PIGZ: variants seen among roughly 807,000 people sequenced by gnomAD.
PIGZ encodes phosphatidylinositol glycan anchor biosynthesis class Z (Gwada blood group).
PIGZ carries 16 observed loss-of-function variants against 16.4 expected under a neutral mutation model. That is an observed-to-expected ratio of 0.97 (90% CI 0.66 to 1.48). The LOEUF (loss-of-function observed/expected upper bound fraction) is 1.48, where lower values mean the gene tolerates loss of function less well. Ranked by LOEUF, PIGZ falls within the 40% of genes most tolerant of loss-of-function variation. The probability of loss-of-function intolerance (pLI) is 0.00; values close to 1 mark genes in which losing one functional copy is unlikely to be tolerated. For missense variants in PIGZ, 770 were observed against 739.2 expected (o/e 1.04, Z -0.48); for synonymous variants, 409 against 338.4 (o/e 1.21, Z -2.29).
Position 196,947,513 on chromosome 3 carries a change from AGAGGAGTGTGTAGTG to A in PIGZ, c.1369_1383del (p.His457_Leu461del). The A allele has an allele frequency of 6.2e-7, 1 of 1,613,690 alleles. No individual in the cohort carries two copies. The highest frequency in any genetic ancestry group is 8.5e-7 in the Non-Finnish European group (1 of 1,179,996). ...CGGGGGGGCATGTAGGTGTGAGTGA[AGAGGAGTGTGTAGTG>A]GGTGGGTGTGCTTGGGAGCACAGGG... On this transcript the variant is annotated inframe_deletion, in exon 3 of 3. Transcript: ENST00000412723.
In PIGZ at chr3:196,968,782, G is replaced by T. The variant is rs1306029493; in HGVS notation, c.-96C>A. The T allele has an allele frequency of 6.6e-6, 1 of 151,460 alleles. No individual in the cohort carries two copies. Among genetic ancestry groups the T allele is most frequent in the Non-Finnish European group, 1.5e-5 (1 of 67,840 alleles). 9.4% of individuals were successfully genotyped at this position (151,460 alleles called of 1,614,324 possible). A position where few individuals can be genotyped will look rare whatever the true frequency, so the allele number is the denominator to read the frequency against. On this transcript the variant is annotated 5_prime_UTR_variant, in exon 1 of 3. Transcript: ENST00000412723. ...GCCCCGGAGGCGGCGGGACCGCAGG[G>T]CGGAGGGGAGGCCGTGGGAGCGGCC...
At chr3:196,953,847 G>T (rs114569934) in intron 1 of PIGZ, among the ~76,000 whole-genome samples, 1 of 148,504 alleles carries the variant, frequency 6.7e-6, no homozygotes, top group African/African-American at 2.6e-5. Context: ...CGAAAAAATA[G>T]CTGGACACAG....
rs11328333 is a variant in PIGZ, at chr3:196,958,227, ATT to A, written c.1-6198_1-6197del. ...ACTTGTGTCCTGTTTAACAACCTTTATTTTTTTTTTCTATTCATAAACATAAT... is the reference window on the plus strand; with the variant it reads ...ACTTGTGTCCTGTTTAACAACCTTTATTTTTTTTCTATTCATAAACATAAT... On this transcript the variant is annotated intron_variant, in intron 1 of 2. Coordinates refer to ENST00000412723, the MANE Select transcript of PIGZ (RefSeq NM_025163.4). Among the ~76,000 whole-genome samples, 20 of 151,584 alleles carry A rather than the reference ATT, an allele frequency of 1.3e-4. No homozygotes were observed. In the East Asian group the frequency reaches 1.5e-3, roughly 12 times the overall value.
In PIGZ at chr3:196,947,652, A is replaced by G. The variant is rs1261351293; in HGVS notation, c.1245T>C (p.Thr415=). ...PQTQPVPWKG[T]VVLFNALGAL... The stretch of plus-strand genomic sequence containing the variant: ...CACCGAGGGCGTTGAAGAGGACCAC[A>G]GTGCCCTTCCAAGGCACAGGCTGCG... The change falls in exon 3 of 3, where the codon ACT becomes ACC. Residue 415 remains threonine (T), a synonymous_variant. Transcript: ENST00000412723. The G allele has an allele frequency of 6.2e-7, 1 of 1,611,682 alleles. No individual in the cohort carries two copies. The highest frequency in any genetic ancestry group is 1.1e-5 in the South Asian group (1 of 90,794).
intron 2 of PIGZ, 101 bp from the exon 3 acceptor site, chr3:196,948,786 C>G (rs889768364): frequency 2.4e-6 from 2 of 834,564 alleles, no homozygotes; most frequent in African/African-American, 3.4e-5. Context: ...GTGTGTGTGC[C>G]CTGCGTAATC....
chr3:196,950,755 C>CTT (rs1352529904), intron 2 of PIGZ, among the ~76,000 whole-genome samples: 2 of 147,734 alleles, frequency 1.4e-5, no homozygotes, highest in Admixed American at 6.8e-5. Flanking sequence ...TTTTTTTTTT[C>CTT]TTTTTTTGAG....
chr3:196,959,396 T>A (rs892779355), intron 1 of PIGZ, among the ~76,000 whole-genome samples: 2 of 152,222 alleles, frequency 1.3e-5, no homozygotes, highest in African/African-American at 4.8e-5. Flanking sequence ...CAATGTTTGC[T>A]TTAAAATTTG....
Position 196,954,604 on chromosome 3 carries a change from T to C in PIGZ, c.1-2573A>G, listed in dbSNP as rs116126306. Among the ~76,000 whole-genome samples, 781 of 152,346 alleles carry C rather than the reference T, an allele frequency of 5.1e-3. 7 individuals are homozygous for C. The highest frequency in any genetic ancestry group is 0.017 in the African/African-American group (720 of 41,576). On this transcript the variant is annotated intron_variant, in intron 1 of 2. Transcript: ENST00000412723. ...TTATTTCATTGTTTTATTTCAGATTTTTTGCTATGAGCACAGCTCGTTAAT... is the reference window on the plus strand; with the variant it reads ...TTATTTCATTGTTTTATTTCAGATTCTTTGCTATGAGCACAGCTCGTTAAT...
chr3:196,963,912 T>C (rs1717816496), intron 1 of PIGZ, among the ~76,000 whole-genome samples: 1 of 152,372 alleles, frequency 6.6e-6, no homozygotes, highest in South Asian at 2.1e-4. Context: ...TTTATTCTCA[T>C]GGTTTCCATT....
Position 196,948,902 on chromosome 3 carries a change from TC to T in PIGZ, c.212-218del, listed in dbSNP as rs1216079310. On this transcript the variant is annotated intron_variant, in intron 2 of 2. Transcript: ENST00000412723. ...TTCCCTTCCTTCCCCTTCCTTCCCT[TC>T]CCCTCCCCTCCCTTCCCTTCCTTCC... 5.8e-4 allele frequency among the ~76,000 whole-genome samples: 24 copies of T among 41,170 alleles called. 2 individuals are homozygous for T. The highest frequency in any genetic ancestry group is 8.3e-4 in the Non-Finnish European group (19 of 23,024). 27.0% of individuals were successfully genotyped at this position (41,170 alleles called of 152,430 possible).
At position 196,953,711 on chromosome 3, in the gene PIGZ, C is replaced by G. The variant is rs186293347; in HGVS notation, c.1-1680G>C. ...AAATTCTGACCTTAAATAGTTCTTG[C>G]TCTCAGGTGTAATGTCAGGTGGCTC... On this transcript the variant is annotated intron_variant, in intron 1 of 2. Transcript: ENST00000412723. Among the ~76,000 whole-genome samples, 35 of 152,278 alleles carry G rather than the reference C, an allele frequency of 2.3e-4. No individual in the cohort carries two copies. In the East Asian group the frequency reaches 5.8e-3, roughly 25 times the overall value.
rs748578566 is a variant in PIGZ, at chr3:196,952,011, G to A, written c.21C>T (p.Ser7=). The part of the protein sequence containing the change: MQICGS[S]VASVAAGTSF... ...ATGTCCCAGCTGCTACAGATGCTAC[G>A]CTGGATCCACAGATCTGCATCTGTT... is the stretch of plus-strand genomic sequence containing the variant. The change falls in exon 2 of 3, where the codon AGC becomes AGT. Residue 7 remains serine (S), a synonymous_variant. Coordinates refer to ENST00000412723, the MANE Select transcript of PIGZ (RefSeq NM_025163.4). The A allele has an allele frequency of 5.0e-5, 81 of 1,613,874 alleles. No homozygotes were observed. Among genetic ancestry groups the A allele is most frequent in the Non-Finnish European group, 6.3e-5 (74 of 1,179,972 alleles).
Position 196,947,859 on chromosome 3 carries a change from C to T in PIGZ, c.1038G>A (p.Gln346=). 2 of 1,613,826 alleles carry T rather than the reference C, an allele frequency of 1.2e-6. No homozygotes were observed. The highest frequency in any genetic ancestry group is 1.7e-6 in the Non-Finnish European group (2 of 1,179,804). ...AAWQRLQVGL[Q]ASAQMGLLRA... ...TCAGGAGGCCCATTTGTGCAGAGGC[C>T]TGGAGGCCGACTTGCAGCCGTTGCC... The change falls in exon 3 of 3, where the codon CAG becomes CAA. Residue 346 remains glutamine (Q), a synonymous_variant. Coordinates refer to ENST00000412723, the MANE Select transcript of PIGZ (RefSeq NM_025163.4).
chr3:196,947,977 G>A lies in PIGZ; in HGVS notation c.920C>T (p.Ala307Val), dbSNP rs368275616. The change falls in exon 3 of 3, where the codon GCG becomes GTG. Residue 307 changes from alanine to valine, a missense_variant. Transcript: ENST00000412723. Reference protein sequence around the residue: ...LHYNLNPQNLARHGTHARLTH... With the variant: ...LHYNLNPQNLVRHGTHARLTH... The stretch of plus-strand genomic sequence containing the variant: ...GAGCCGCGCGTGCGTGCCATGTCTC[G>A]CCAGGTTTTGGGGATTCAGGTTGTA... 13 of 1,607,834 alleles carry A rather than the reference G, an allele frequency of 8.1e-6. No individual in the cohort carries two copies. The highest frequency in any genetic ancestry group is 2.7e-5 in the African/African-American group (2 of 74,762).
chr3:196,955,901 A>C (rs376121984), intron 1 of PIGZ, among the ~76,000 whole-genome samples: 1 of 151,516 alleles, frequency 6.6e-6, no homozygotes, highest in African/African-American at 2.4e-5. Flanking sequence ...TTATTGATAC[A>C]TTTATTTATA....
At position 196,948,703 on chromosome 3, in the gene PIGZ, G is replaced by A; in HGVS notation, c.212-18C>T. ...GATGTCCTCTGCAGAGAGAGGCAGA[G>A]GTGAGCCAGTACCAAGCTCAGGGAT... is the stretch of plus-strand genomic sequence containing the variant. On this transcript the variant is annotated intron_variant, in intron 2 of 2. Transcript: ENST00000412723. The A allele has an allele frequency of 6.9e-7, 1 of 1,440,048 alleles. No individual in the cohort carries two copies. Among genetic ancestry groups the A allele is most frequent in the Non-Finnish European group, 9.1e-7 (1 of 1,099,014 alleles). 89.2% of individuals were successfully genotyped at this position (1,440,048 alleles called of 1,614,324 possible).
intron 1 of PIGZ, among the ~76,000 whole-genome samples, chr3:196,955,625 G>A (rs1717453922): frequency 7.0e-6 from 1 of 142,198 alleles, no homozygotes; most frequent in Admixed American, 7.3e-5. Context: ...TGCCCAGGCT[G>A]GAGTGCAGTG....
chr3:196,952,133 T>A, intron 1 of PIGZ, 102 bp from the exon 2 acceptor site: 1 of 1,076,304 alleles, frequency 9.3e-7, no homozygotes, highest in Non-Finnish European at 1.4e-6. Context: ...AAAATGACAA[T>A]AATAATAATA....
At chr3:196,950,599 A>C (rs1454274982) in intron 2 of PIGZ, among the ~76,000 whole-genome samples, 1 of 152,228 alleles carries the variant, frequency 6.6e-6, no homozygotes, top group African/African-American at 2.4e-5. Flanking sequence ...CCAGGATCAA[A>C]TCTATCTGGC....
Sources: allele counts gnomAD v4.1 joint callset (sites outside exome capture counted in the v4.1 genomes callset), GRCh38; gene constraint gnomAD v4.1.1; transcripts MANE v1.5; gene names NCBI Gene and HGNC (gene_info 2026-07-23, HGNC 2026-07-21).